Variants in SORCS2 observed in about 807,000 individuals in gnomAD.
SORCS2 encodes sortilin related VPS10 domain containing receptor 2, also known as VPS10 domain-containing receptor SorCS2.
In SORCS2, 100 loss-of-function variants were observed where a neutral mutation model predicts 141.6. The observed-to-expected ratio is 0.71, with a 90% CI of 0.60 to 0.83. The LOEUF (loss-of-function observed/expected upper bound fraction) is 0.83, where lower values mean the gene tolerates loss of function less well. SORCS2 is among the 40% of genes least tolerant of loss of function. The pLI is 0.00. For synonymous variants in SORCS2, 789 were observed against 676.9 expected, an observed-to-expected ratio of 1.17 and a Z score of -2.57; for missense variants, 1,646 against 1,560.2, an observed-to-expected ratio of 1.05 and a Z score of -0.93.
chr4:7,556,197 G>T (rs973671750), intron 3 of SORCS2, among the ~76,000 whole-genome samples: 1 of 152,170 alleles, frequency 6.6e-6, no homozygotes, highest in Non-Finnish European at 1.5e-5. Context: ...AGTGGGGCTG[G>T]GTTTTGGCAA....
At chr4:7,651,719 A>G (rs1721458613) in intron 4 of SORCS2, among the ~76,000 whole-genome samples, 1 of 151,420 alleles carries the variant, frequency 6.6e-6, no homozygotes, top group Non-Finnish European at 1.5e-5. Flanking sequence ...TTCCCTCCGC[A>G]CCCTCCCCCT....
intron 2 of SORCS2, among the ~76,000 whole-genome samples, chr4:7,426,213 G>A (rs947879625): frequency 2.6e-5 from 4 of 152,250 alleles, no homozygotes; most frequent in Non-Finnish European, 4.4e-5. Context: ...TACCTTGTGG[G>A]GGGAAGCCCT....
chr4:7,421,913 G>A (rs1213423136), intron 2 of SORCS2, among the ~76,000 whole-genome samples: 1 of 151,850 alleles, frequency 6.6e-6, no homozygotes, highest in African/African-American at 2.4e-5. Flanking sequence ...GCAGGGGCTG[G>A]GGCGGGGCTG....
intron 8 of SORCS2, among the ~76,000 whole-genome samples, chr4:7,668,476 G>A (rs1193373545): frequency 6.6e-6 from 1 of 152,110 alleles, no homozygotes; most frequent in Non-Finnish European, 1.5e-5. Flanking sequence ...GAGTGAGAGT[G>A]GAGTGGGAGG....
chr4:7,246,605 G>T (rs1352672877), intron 1 of SORCS2, among the ~76,000 whole-genome samples: 2 of 152,196 alleles, frequency 1.3e-5, no homozygotes, highest in Admixed American at 1.3e-4. Flanking sequence ...GTTGGTGCCA[G>T]GGACTGGGGT....
At chr4:7,676,532 G>T (rs1055438632) in intron 9 of SORCS2, among the ~76,000 whole-genome samples, 8 of 152,140 alleles carry the variant, frequency 5.3e-5, no homozygotes, top group African/African-American at 1.9e-4. Context: ...ACTGACTTGG[G>T]TTCAGCCTGA....
chr4:7,271,559 G>A (rs982193275), intron 1 of SORCS2, among the ~76,000 whole-genome samples: 16 of 152,248 alleles, frequency 1.1e-4, no homozygotes, highest in Middle Eastern at 6.8e-3. Context: ...CCTTTCTCAC[G>A]TTTCTTTCCA....
chr4:7,385,993 G>A (rs1723270666), intron 1 of SORCS2, among the ~76,000 whole-genome samples: 1 of 152,208 alleles, frequency 6.6e-6, no homozygotes, highest in Admixed American at 6.5e-5. Flanking sequence ...CCAGAAAGGA[G>A]GGAGGCTGTG....
In SORCS2 at chr4:7,712,472, C is replaced by T. The variant is rs112945389; in HGVS notation, c.1869-261C>T. On this transcript the variant is annotated intron_variant, in intron 14 of 26. Coordinates refer to ENST00000507866, the MANE Select transcript of SORCS2 (RefSeq NM_020777.3). ...CGGGGCCACTGGGGGCCAACCAGAG[C>T]GACTCACGCAGTGCAATTGACAAGT... Among the ~76,000 whole-genome samples the T allele has an allele frequency of 2.7e-3, 411 of 152,332 alleles. 3 individuals are homozygous for T. Among genetic ancestry groups the T allele is most frequent in the African/African-American group, 9.3e-3 (388 of 41,590 alleles).
At position 7,444,514 on chromosome 4, in the gene SORCS2, C is replaced by G. The variant is rs373800802; in HGVS notation, c.548+48159C>G. 3.9e-4 allele frequency among the ~76,000 whole-genome samples: 59 copies of G among 152,312 alleles called. 1 individual carries two copies. In the South Asian group the frequency reaches 0.012, roughly 31 times the overall value. On this transcript the variant is annotated intron_variant, in intron 2 of 26. Transcript: ENST00000507866. ...AGCCTGTGCAAAGGTCCTGTGGCAG[C>G]TGGGTGCAGGAAGAACAGGGGCCAG...
At chr4:7,675,993 T>G in intron 8 of SORCS2, 57 bp from the exon 9 acceptor site, 2 of 1,534,854 alleles carry the variant, frequency 1.3e-6, no homozygotes. Flanking sequence ...TGCTTCTTCC[T>G]CCCTCGTGCA....
intron 10 of SORCS2, among the ~76,000 whole-genome samples, chr4:7,683,129 C>A (rs1723635773): frequency 6.6e-6 from 1 of 152,234 alleles, no homozygotes; most frequent in African/African-American, 2.4e-5. Context: ...GTGCAATAAA[C>A]CACCCAAAAC....
At chr4:7,243,670 G>A (rs1458322249) in intron 1 of SORCS2, among the ~76,000 whole-genome samples, 3 of 152,242 alleles carry the variant, frequency 2.0e-5, no homozygotes, top group Non-Finnish European at 4.4e-5. Flanking sequence ...GAAGGCCAGC[G>A]GGTGGTCGTT....
At chr4:7,700,711 C>G (rs1048459931) in intron 12 of SORCS2, among the ~76,000 whole-genome samples, 1 of 152,180 alleles carries the variant, frequency 6.6e-6, no homozygotes, top group East Asian at 1.9e-4. Context: ...GCTCCACCCC[C>G]GGGGGCAGAC....
chr4:7,566,717 C>T (rs1178180228), intron 3 of SORCS2, among the ~76,000 whole-genome samples: 2 of 152,244 alleles, frequency 1.3e-5, no homozygotes, highest in African/African-American at 4.8e-5. Context: ...TGCTCTTGCT[C>T]ACAGCCAACT....
intron 1 of SORCS2, among the ~76,000 whole-genome samples, chr4:7,327,516 A>C (rs1719348620): frequency 1.3e-5 from 2 of 152,174 alleles, no homozygotes; most frequent in African/African-American, 4.8e-5. Context: ...TCCTGGATAG[A>C]TGGCAGCTGC....
chr4:7,406,368 C>CTTT (rs34345581), intron 2 of SORCS2, among the ~76,000 whole-genome samples: 36,971 of 143,442 alleles, frequency 0.26, 5,179 homozygotes, highest in East Asian at 0.48. Context: ...GGATCCTAGG[C>CTTT]TTTTTTTTTT....
intron 19 of SORCS2, 81 bp from the exon 20 acceptor site, chr4:7,725,073 G>A: frequency 6.8e-7 from 1 of 1,477,898 alleles, no homozygotes; most frequent in Admixed American, 1.9e-5. Flanking sequence ...TGAAGTTGCT[G>A]GTGACAGTGA....
intron 3 of SORCS2, among the ~76,000 whole-genome samples, chr4:7,581,606 G>T (rs376472203): frequency 2.4e-4 from 36 of 152,156 alleles, no homozygotes; most frequent in African/African-American, 8.4e-4. Context: ...GGTCATTTGA[G>T]GCCCAGCAAA....
Sources: gnomAD v4.1 joint callset for allele counts (sites outside exome capture counted in the v4.1 genomes callset) on GRCh38, gnomAD v4.1.1 for gene constraint, MANE v1.5 for transcripts, NCBI Gene and HGNC (gene_info 2026-07-23, HGNC 2026-07-21) for gene names.